CHRNE: variants seen among roughly 807,000 people sequenced by gnomAD.
The protein encoded by CHRNE is acetylcholine receptor subunit epsilon.
A neutral mutation model predicts 56.5 loss-of-function variants in CHRNE; 58 were observed. The observed-to-expected ratio is 1.03, with a 90% CI of 0.83 to 1.28. The LOEUF (loss-of-function observed/expected upper bound fraction) is 1.28, where lower values mean the gene tolerates loss of function less well. CHRNE is among the 50% of genes most tolerant of loss of function. CHRNE has a pLI of 0.00. For synonymous variants in CHRNE, 385 were observed against 297.9 expected, an observed-to-expected ratio of 1.29 and a Z score of -3.01; for missense variants, 793 against 688.9, an observed-to-expected ratio of 1.15 and a Z score of -1.69.
upstream of CHRNE, among the ~76,000 whole-genome samples, chr17:4,905,526 C>T (rs900115099): frequency 6.6e-6 from 1 of 152,124 alleles, no homozygotes; most frequent in African/African-American, 2.4e-5. Flanking sequence ...GATCACACTA[C>T]ACTCCAGCCT....
rs1010366036 is a variant in CHRNE at position 4,898,405 on chromosome 17, A to AGAT, written c.*328_*330dup. Reference sequence around the variant, plus strand: ...TCCTGTTTGGCTATGAAATGAATATAGATAGATAGCTCACAAGCTGGCAGC... The same window carrying AGAT: ...TCCTGTTTGGCTATGAAATGAATATAGATGATAGATAGCTCACAAGCTGGCAGC... On this transcript the variant is annotated 3_prime_UTR_variant, in exon 12 of 12. Transcript: ENST00000649488. 8 of 413,014 alleles carry AGAT rather than the reference A, an allele frequency of 1.9e-5. No homozygotes were observed. Among genetic ancestry groups the AGAT allele is most frequent in the African/African-American group, 1.0e-4 (5 of 49,016 alleles). 25.6% of individuals were successfully genotyped at this position (413,014 alleles called of 1,614,324 possible).
In CHRNE at chr17:4,899,037, C is replaced by G. The variant is rs1416247967; in HGVS notation, c.1290G>C (p.Val430=). 6.2e-7 allele frequency: 1 copy of G among 1,611,102 alleles called. No homozygotes were observed. Among genetic ancestry groups the G allele is most frequent in the South Asian group, 1.1e-5 (1 of 90,478 alleles). ...VRCCVDAVNF[V]AESTRDQEAT... ...CCTCCTGATCTCTCGTGCTCTCGGCCACGAAGTTCACGGCATCCACACAGC... is the reference window on the plus strand; with the variant it reads ...CCTCCTGATCTCTCGTGCTCTCGGCGACGAAGTTCACGGCATCCACACAGC... Residue 430 remains valine, a synonymous_variant, in exon 11 of 12, where the codon GTG becomes GTC. Transcript: ENST00000649488.
chr17:4,902,248 C>G lies in CHRNE; in HGVS notation c.313G>C (p.Val105Leu). 2.5e-6 allele frequency: 4 copies of G among 1,614,182 alleles called. No individual in the cohort carries two copies. The highest frequency in any genetic ancestry group is 3.4e-6 in the Non-Finnish European group (4 of 1,180,042). Residue 105 changes from valine (V) to leucine (L), a missense_variant, in exon 4 of 12, where the codon GTG (valine) becomes CTG (leucine). Transcript: ENST00000649488. This position sits in a 1 kb window ranked among gnomAD's most constrained non-coding sequence, Gnocchi z 4.0. ...IETLRVPSEL[V>L]WLPEIVLENN... ...TCCAGCACAATCTCTGGCAGCCACA[C>G]GAGTTCTGAAGGGACTCGCAGGGTT...
In CHRNE at chr17:4,903,021, G is replaced by A. The variant is rs1420534992; in HGVS notation, c.43C>T (p.Leu15Phe). Residue 15 changes from leucine to phenylalanine, a missense_variant, in exon 1 of 12, where the codon CTC becomes TTC. By Grantham distance (22) the Leu-to-Phe change is conservative. Coordinates refer to ENST00000649488, the MANE Select transcript of CHRNE (RefSeq NM_000080.4). ...PLGVLLLLGL[L>F]GRGVGKNEEL... The stretch of plus-strand genomic sequence containing the variant: ...CCCCTCTAGCCCCTGTCCGTACCGA[G>A]AAGCCCCAAGAGGAGCAGGACCCCA... 6.2e-7 allele frequency: 1 copy of A among 1,613,944 alleles called. No individual in the cohort carries two copies. The highest frequency in any genetic ancestry group is 1.3e-5 in the African/African-American group (1 of 74,860).
At chr17:4,900,470 G>T in intron 8 of CHRNE, 1 of 1,551,108 alleles carries the variant, frequency 6.4e-7, no homozygotes, top group Non-Finnish European at 8.7e-7. Context: ...TGCGACAGTC[G>T]CAACAGCAGC....
chr17:4,901,745 G>A, intron 5 of CHRNE, 120 bp from the exon 6 acceptor site: 4 of 1,249,380 alleles, frequency 3.2e-6, no homozygotes, highest in Non-Finnish European at 4.6e-6. Flanking sequence ...CTTCACCCAA[G>A]CCCAGCCCGC....
rs748607118 is a variant in CHRNE, at chr17:4,899,116, G to T, written c.1220-9C>A. ...GCTCTGGCAGAAGGCAGCTGGCGGG[G>T]AAAACACCGGGGTGGGCCTTAGGAG... On this transcript the variant is annotated splice_polypyrimidine_tract_variant and intron_variant, in intron 10 of 11. Transcript: ENST00000649488. 3 of 1,605,956 alleles carry T rather than the reference G, an allele frequency of 1.9e-6. No homozygotes were observed. The East Asian group carries it at 6.7e-5, about 36-fold the overall frequency.
chr17:4,899,592 C>G lies in CHRNE; in HGVS notation c.918-10G>C, dbSNP rs1597615614. The stretch of plus-strand genomic sequence containing the variant: ...GACGAAAATAAGGAACCTGAGGAGC[C>G]CGGAAGGCATGACATCACCGTTCCT... On this transcript the variant is annotated splice_polypyrimidine_tract_variant and intron_variant, in intron 8 of 11. Transcript: ENST00000649488. 7 of 1,558,942 alleles carry G rather than the reference C, an allele frequency of 4.5e-6. No homozygotes were observed. Among genetic ancestry groups the G allele is most frequent in the Middle Eastern group, 1.9e-4 (1 of 5,390 alleles).
chr17:4,903,157 C>T, upstream of CHRNE: 1 of 1,312,436 alleles, frequency 7.6e-7, no homozygotes, highest in Non-Finnish European at 1.1e-6. Context: ...GGTGTTAGTT[C>T]CGGGCTGTTA....
chr17:4,900,248 G>A (rs533306508), intron 8 of CHRNE: 1 of 1,547,246 alleles, frequency 6.5e-7, no homozygotes. Context: ...TCTCAGCCCT[G>A]TGGCTGCAGC....
chr17:4,901,276 C>T, intron 6 of CHRNE, 86 bp from the exon 7 acceptor site: 1 of 1,469,616 alleles, frequency 6.8e-7, no homozygotes, highest in Non-Finnish European at 9.3e-7. Flanking sequence ...CTGCGGCTGT[C>T]TGCACCAGGG....
chr17:4,901,503 T>C, intron 6 of CHRNE, 22 bp downstream of exon 6: 1 of 1,612,016 alleles, frequency 6.2e-7, no homozygotes, highest in African/African-American at 1.3e-5. Flanking sequence ...AGCGGGTTTT[T>C]CTGAGCAGGC....
upstream of CHRNE, among the ~76,000 whole-genome samples, chr17:4,903,729 G>C (rs1970050246): frequency 6.6e-6 from 1 of 152,114 alleles, no homozygotes; most frequent in Non-Finnish European, 1.5e-5. Context: ...GTTTCTCCTT[G>C]TCTATCCCTG....
intron 8 of CHRNE, 62 bp from the exon 9 acceptor site, chr17:4,899,644 G>A (rs947375390): frequency 4.1e-6 from 6 of 1,461,976 alleles, no homozygotes; most frequent in African/African-American, 1.4e-5. Context: ...GGCGCCGCGC[G>A]CTGACCTCAC....
rs866487633 is a variant in CHRNE at position 4,902,743 on chromosome 17, C to T, written c.67G>A (p.Glu23Lys). 2 of 1,614,046 alleles carry T rather than the reference C, an allele frequency of 1.2e-6. No homozygotes were observed. Among genetic ancestry groups the T allele is most frequent in the African/African-American group, 1.3e-5 (1 of 74,986 alleles). ...GLLGRGVGKNEELRLYHHLFN... is the reference protein window; with the variant it reads ...GLLGRGVGKNKELRLYHHLFN... ...AGATGGTGATAAAGACGCAGTTCCT[C>T]GTTCTTCCCCACACCCCTGCCTGCG... The change falls in exon 2 of 12, where the codon GAG becomes AAG. Residue 23 changes from glutamate (E) to lysine (K), a missense_variant. By Grantham distance (56) the Glu-to-Lys change is moderately conservative. Coordinates refer to ENST00000649488, the MANE Select transcript of CHRNE (RefSeq NM_000080.4). This position sits in a 1 kb window ranked among gnomAD's most constrained non-coding sequence, Gnocchi z 4.0.
rs2151093198 is a variant in CHRNE, at chr17:4,898,659, T to C, written c.*77A>G. ...GATCAGCAGGGGGAAGGGATCATAA[T>C]GCCGTGGTGGCGGCAGCCTACTTTT... On this transcript the variant is annotated 3_prime_UTR_variant, in exon 12 of 12. Coordinates refer to ENST00000649488, the MANE Select transcript of CHRNE (RefSeq NM_000080.4). 1 of 1,528,786 alleles carries C rather than the reference T, an allele frequency of 6.5e-7. No individual in the cohort carries two copies. The highest frequency in any genetic ancestry group is 2.4e-5 in the East Asian group (1 of 42,160). The allele number at this position is 1,528,786 out of a possible 1,614,324, so 94.7% of individuals were successfully genotyped here.
chr17:4,901,878 C>A, intron 5 of CHRNE, 54 bp downstream of exon 5: 2 of 1,475,980 alleles, frequency 1.4e-6, no homozygotes, highest in South Asian at 1.1e-5. Context: ...GGCCCCGCCC[C>A]ATAAGGCCCC....
rs1202072908 is a variant in CHRNE at position 4,902,215 on chromosome 17, A to C, written c.344+2T>G. ...CAGCCTGGCGTCTGGCCCGGTTCTC[A>C]CTTGTTTTCCAGCACAATCTCTGGC... On this transcript the variant is annotated splice_donor_variant, in intron 4 of 11. Coordinates refer to ENST00000649488, the MANE Select transcript of CHRNE (RefSeq NM_000080.4). LOFTEE classifies it high-confidence loss of function. The surrounding 1 kb of genome is among the most constrained non-coding windows in gnomAD (Gnocchi z 4.0). 3.1e-6 allele frequency: 5 copies of C among 1,613,572 alleles called. No individual in the cohort carries two copies. Among genetic ancestry groups the C allele is most frequent in the African/African-American group, 1.3e-5 (1 of 74,768 alleles).
rs919759171 is a variant in CHRNE at position 4,899,277 on chromosome 17, G to A, written c.1140C>T (p.Arg380=). The A allele has an allele frequency of 1.2e-6, 2 of 1,600,892 alleles. No homozygotes were observed. The highest frequency in any genetic ancestry group is 1.7e-6 in the Non-Finnish European group (2 of 1,178,346). ...RRASSVGLLL[R]AEELILKKPR... is the part of the protein sequence containing the mutation. ...GCTTTTTCAGTATCAGCTCCTCCGC[G>A]CGGAGCAATAAGCCCACCGACGACG... is the stretch of plus-strand genomic sequence containing the variant. The change falls in exon 10 of 12, where the codon CGC becomes CGT. Residue 380 remains arginine, a synonymous_variant. Transcript: ENST00000649488.
Sources: gnomAD v4.1 joint callset for allele counts (sites outside exome capture counted in the v4.1 genomes callset) on GRCh38, gnomAD v4.1.1 for gene constraint, Gnocchi (gnomAD v3.1) non-coding constraint, MANE v1.5 for transcripts, NCBI Gene and HGNC (gene_info 2026-07-23, HGNC 2026-07-21) for gene names.